CIITA: variants seen among roughly 807,000 people sequenced by gnomAD.
The protein encoded by CIITA is MHC class II transactivator.
CIITA carries 72 observed loss-of-function variants against 115.1 expected under a neutral mutation model. That is an observed-to-expected ratio of 0.63 (90% CI 0.52 to 0.76). The LOEUF (loss-of-function observed/expected upper bound fraction) is 0.76, where lower values mean the gene tolerates loss of function less well. Among genes scored for constraint, CIITA ranks in the 30% least tolerant of loss-of-function variants. The probability of loss-of-function intolerance (pLI) is 0.00; values close to 1 mark genes in which losing one functional copy is unlikely to be tolerated. For missense variants in CIITA, 1,617 were observed against 1,463.8 expected (o/e 1.10, Z -1.71); for synonymous variants, 763 against 635.6 (o/e 1.20, Z -3.02).
chr16:10,902,040 G>T lies in CIITA; in HGVS notation c.484G>T (p.Glu162Ter). The change falls in exon 7 of 20, where the codon GAG becomes TAG. Residue 162 changes from glutamate (E) to a stop codon, truncating the protein, a stop_gained and splice_region_variant. Coordinates refer to ENST00000324288, the MANE Select transcript of CIITA (RefSeq NM_000246.4). LOFTEE classifies it high-confidence loss of function. Reference protein sequence around the residue: ...PADLKHWKPAEPPTVVTGSLL... With the variant: ...PADLKHWKPA ...TAACACAGCCCACTTCCTCACAGCT[G>T]AGCCCCCCACTGTGGTGACTGGCAG... 1 of 1,614,042 alleles carries T rather than the reference G, an allele frequency of 6.2e-7. No homozygotes were observed.
chr16:10,908,983 G>A, intron 11 of CIITA, 46 bp from the exon 12 acceptor site: 3 of 1,613,514 alleles, frequency 1.9e-6, no homozygotes, highest in Non-Finnish European at 2.5e-6. Context: ...TTCCATTAAG[G>A]TCTAGCCTGG....
chr16:10,882,101 A>G (rs898648575), intron 1 of CIITA, among the ~76,000 whole-genome samples: 1 of 152,134 alleles, frequency 6.6e-6, no homozygotes, highest in African/African-American at 2.4e-5. Flanking sequence ...CCTCTTGACT[A>G]TTGTGAATAA....
At chr16:10,898,814 G>T in intron 4 of CIITA, 82 bp downstream of exon 4, 2 of 1,596,048 alleles carry the variant, frequency 1.3e-6, no homozygotes, top group South Asian at 2.2e-5. Context: ...AATACCTGAC[G>T]ACCATTCATT....
At position 10,903,267 on chromosome 16, in the gene CIITA, C is replaced by T. The variant is rs2038912704; in HGVS notation, c.773-464C>T. On this transcript the variant is annotated intron_variant, in intron 8 of 19. Transcript: ENST00000324288. ...ATCAGTAAAATGGTCCCTACTGACC[C>T]ACCACACTGAGGGGTTGTGACTTGT... Among the ~76,000 whole-genome samples, 5 of 152,234 alleles carry T rather than the reference C, an allele frequency of 3.3e-5. No individual in the cohort carries two copies. The South Asian group carries it at 1.0e-3, about 32-fold the overall frequency.
intron 15 of CIITA, 78 bp downstream of exon 15, chr16:10,916,537 T>C: frequency 7.8e-7 from 1 of 1,284,958 alleles, no homozygotes; most frequent in Non-Finnish European, 1.1e-6. Context: ...TAATTTAAAT[T>C]TGTTTTTTTA....
rs1245327953 is a variant in CIITA at position 10,907,196 on chromosome 16, C to G, written c.1704C>G (p.Gly568=). ...SKADALFELS[G]FSMEQAQAYV... is the part of the protein sequence containing the mutation. ...CCGACGCCCTATTTGAGCTGTCCGG[C>G]TTCTCCATGGAGCAGGCCCAGGCAT... Residue 568 remains glycine (G), a synonymous_variant, in exon 11 of 20, where the codon GGC becomes GGG. Coordinates refer to ENST00000324288, the MANE Select transcript of CIITA (RefSeq NM_000246.4). The surrounding 1 kb of genome is among the most constrained non-coding windows in gnomAD (Gnocchi z 5.0). 6.2e-7 allele frequency: 1 copy of G among 1,613,326 alleles called. No individual in the cohort carries two copies. Among genetic ancestry groups the G allele is most frequent in the Non-Finnish European group, 8.5e-7 (1 of 1,179,970 alleles).
In CIITA at chr16:10,927,418, T is replaced by C. The variant is rs2040576600; in HGVS notation, c.*3563T>C. On this transcript the variant is annotated 3_prime_UTR_variant, in exon 20 of 20. Coordinates refer to ENST00000324288, the MANE Select transcript of CIITA (RefSeq NM_000246.4). ...CAAGGCGCCTGTGTATAATAGGTGC[T>C]CAATAACATAAAATGAACAAATAAT... 1 of 152,264 alleles carries C rather than the reference T, an allele frequency of 6.6e-6. No individual in the cohort carries two copies. The highest frequency in any genetic ancestry group is 1.5e-5 in the Non-Finnish European group (1 of 68,054). 9.4% of individuals were successfully genotyped at this position (152,264 alleles called of 1,614,324 possible).
Position 10,931,902 on chromosome 16 carries a change from A to G in CIITA, c.*8047A>G, listed in dbSNP as rs1207279661. On this transcript the variant is annotated 3_prime_UTR_variant, in exon 20 of 20. Coordinates refer to ENST00000324288, the MANE Select transcript of CIITA (RefSeq NM_000246.4). ...TGAGACTCTGTCTCAAAAAAACACA[A>G]AAGTTTCTCTTTTCAAAACATTTTA... The G allele has an allele frequency of 1.3e-5, 2 of 152,186 alleles. No homozygotes were observed. Among genetic ancestry groups the G allele is most frequent in the African/African-American group, 4.8e-5 (2 of 41,430 alleles). The allele number at this position is 152,186 out of a possible 1,614,324, so 9.4% of individuals were successfully genotyped here. A position where few individuals can be genotyped will look rare whatever the true frequency, so the allele number is the denominator to read the frequency against.
intron 18 of CIITA, chr16:10,922,891 T>C (rs2040351630): frequency 2.0e-6 from 1 of 497,702 alleles, no homozygotes; most frequent in Non-Finnish European, 3.7e-6. Context: ...CTTTATATTC[T>C]TTCAAAGCAC....
intron 8 of CIITA, 88 bp from the exon 9 acceptor site, chr16:10,903,643 A>G: frequency 7.1e-7 from 1 of 1,416,176 alleles, no homozygotes; most frequent in Non-Finnish European, 1.0e-6. Flanking sequence ...CCTGAGCTCC[A>G]CAGCCCAGTT....
intron 1 of CIITA, among the ~76,000 whole-genome samples, chr16:10,871,716 C>A (rs555993972): frequency 4.7e-4 from 71 of 152,312 alleles, no homozygotes; most frequent in African/African-American, 1.7e-3. Context: ...GCTTCCTTTC[C>A]TGAGAACCAG....
At position 10,942,075 on chromosome 16, in the gene CIITA, G is replaced by T. The variant is rs2041110396; in HGVS notation, n.1201G>T. ...AGCCGCTGCGGCGCCCGGGCGGCCGGCGAGGGCACAGCGCAGCCATCCAGG... is the reference window on the plus strand; with the variant it reads ...AGCCGCTGCGGCGCCCGGGCGGCCGTCGAGGGCACAGCGCAGCCATCCAGG... On this transcript the variant is annotated non_coding_transcript_exon_variant, in exon 2 of 2. Transcript: ENST00000573379. This position sits in a 1 kb window ranked among gnomAD's most constrained non-coding sequence, Gnocchi z 5.0. 7.8e-7 allele frequency: 1 copy of T among 1,278,296 alleles called. No homozygotes were observed. The highest frequency in any genetic ancestry group is 1.0e-6 in the Non-Finnish European group (1 of 997,628). 79.2% of individuals were successfully genotyped at this position (1,278,296 alleles called of 1,614,324 possible).
rs377484288 is a variant in CIITA at position 10,908,008 on chromosome 16, G to A, written c.2516G>A (p.Arg839His). ...GGCCGCCTCTCTTTTCTGGGCACCC[G>A]CCTCACGCCTCCTGATGCACATGTA... is the stretch of plus-strand genomic sequence containing the variant. The part of the protein sequence containing the change: ...LPGRLSFLGT[R>H]LTPPDAHVLG... Residue 839 changes from arginine to histidine, a missense_variant, in exon 11 of 20, where the codon CGC becomes CAC. Arg to His is a conservative substitution (Grantham distance 29, BLOSUM62 0). Transcript: ENST00000324288. 24 of 1,599,596 alleles carry A rather than the reference G, an allele frequency of 1.5e-5. No homozygotes were observed. Among genetic ancestry groups the A allele is most frequent in the African/African-American group, 6.7e-5 (5 of 74,516 alleles).
intron 9 of CIITA, among the ~76,000 whole-genome samples, chr16:10,904,256 C>A (rs1212132648): frequency 2.0e-5 from 3 of 152,156 alleles, no homozygotes; most frequent in East Asian, 1.9e-4. Context: ...GAGTCTCACT[C>A]TGTTGCCCAG....
At chr16:10,893,890 C>T (rs1386421723) in intron 1 of CIITA, among the ~76,000 whole-genome samples, 25 of 150,784 alleles carry the variant, frequency 1.7e-4, no homozygotes, top group Admixed American at 1.6e-3. Context: ...CATCTCCCAT[C>T]CCCACAGTCA....
chr16:10,881,914 A>G (rs1387152372), intron 1 of CIITA, among the ~76,000 whole-genome samples: 1 of 152,202 alleles, frequency 6.6e-6, no homozygotes, highest in Non-Finnish European at 1.5e-5. Context: ...TATAAATAGA[A>G]TTACGTGATA....
chr16:10,901,925 G>A lies in CIITA; in HGVS notation c.482-113G>A, dbSNP rs916174806. On this transcript the variant is annotated intron_variant, in intron 6 of 19. Coordinates refer to ENST00000324288, the MANE Select transcript of CIITA (RefSeq NM_000246.4). This position sits in a 1 kb window ranked among gnomAD's most constrained non-coding sequence, Gnocchi z 6.8. ...ACACAGCTGCAGCCAGGGCTGAGAAGATGACAAGCATTTCCTCTGTCAGGA... is the reference window on the plus strand; with the variant it reads ...ACACAGCTGCAGCCAGGGCTGAGAAAATGACAAGCATTTCCTCTGTCAGGA... The A allele has an allele frequency of 7.0e-6, 10 of 1,433,586 alleles. No individual in the cohort carries two copies. Among genetic ancestry groups the A allele is most frequent in the Middle Eastern group, 2.4e-4 (1 of 4,138 alleles). The allele number at this position is 1,433,586 out of a possible 1,614,324, so 88.8% of individuals were successfully genotyped here.
At chr16:10,870,492 A>C (rs2035408365) in intron 1 of CIITA, among the ~76,000 whole-genome samples, 1 of 152,206 alleles carries the variant, frequency 6.6e-6, no homozygotes, top group Admixed American at 6.5e-5. Flanking sequence ...TGGGAAGTTA[A>C]AGCAAACATT....
At position 10,932,507 on chromosome 16, in the gene CIITA, C is replaced by G. The variant is rs1320081439; in HGVS notation, c.*8652C>G. On this transcript the variant is annotated 3_prime_UTR_variant, in exon 20 of 20. Transcript: ENST00000324288. ...CCGTGGCCTGACCCCAAAGCCGAAACCACTCGGCACTGCAGGTTCGTCCCT... is the reference window on the plus strand; with the variant it reads ...CCGTGGCCTGACCCCAAAGCCGAAAGCACTCGGCACTGCAGGTTCGTCCCT... 2 of 152,140 alleles carry G rather than the reference C, an allele frequency of 1.3e-5. No homozygotes were observed. The highest frequency in any genetic ancestry group is 2.9e-5 in the Non-Finnish European group (2 of 68,050). The allele number at this position is 152,140 out of a possible 1,614,324, so 9.4% of individuals were successfully genotyped here. A position where few individuals can be genotyped will look rare whatever the true frequency, so the allele number is the denominator to read the frequency against.
Sources: gnomAD v4.1 joint callset for allele counts (sites outside exome capture counted in the v4.1 genomes callset) on GRCh38, gnomAD v4.1.1 for gene constraint, Gnocchi (gnomAD v3.1) non-coding constraint, MANE v1.5 for transcripts, NCBI Gene and HGNC (gene_info 2026-07-23, HGNC 2026-07-21) for gene names.